The following KCNB2 variants were observed in gnomAD, a reference collection of about 807,000 sequenced individuals.
KCNB2 encodes delayed rectifier potassium channel protein.
Under a neutral mutation model 61.5 loss-of-function variants are expected in KCNB2, and 15 were observed. The ratio of observed to expected loss-of-function variants is 0.24; its 90% CI spans 0.16 to 0.38. The LOEUF (loss-of-function observed/expected upper bound fraction) is 0.38, where lower values mean the gene tolerates loss of function less well. Among genes scored for constraint, KCNB2 ranks in the 10% least tolerant of loss-of-function variants. KCNB2 has a pLI of 1.00. For synonymous variants in KCNB2, 457 were observed against 446.0 expected (o/e 1.02, Z -0.31); for missense variants, 828 against 1,125.2 (o/e 0.74, Z 3.78).
intron 2 of KCNB2, among the ~76,000 whole-genome samples, chr8:72,837,199 A>G (rs1389755764): frequency 6.6e-6 from 1 of 152,166 alleles, no homozygotes; most frequent in Non-Finnish European, 1.5e-5. Flanking sequence ...CTTTATTCAC[A>G]ATCAAAAGCA....
intron 1 of KCNB2, among the ~76,000 whole-genome samples, chr8:72,546,432 G>A (rs1033578663): frequency 6.6e-6 from 1 of 151,730 alleles, no homozygotes; most frequent in Non-Finnish European, 1.5e-5. Context: ...GCAGAGAATT[G>A]CTTGAACCTG....
chr8:72,556,045 A>T (rs1806421265), intron 1 of KCNB2, among the ~76,000 whole-genome samples: 1 of 151,998 alleles, frequency 6.6e-6, no homozygotes, highest in East Asian at 1.9e-4. Context: ...GATTTTCCAC[A>T]CTGTTTTTCT....
At chr8:72,905,328 G>A (rs1167682521) in intron 2 of KCNB2, among the ~76,000 whole-genome samples, 1 of 152,080 alleles carries the variant, frequency 6.6e-6, no homozygotes, top group Non-Finnish European at 1.5e-5. Context: ...AATATCCCCA[G>A]TTCCCAGAAT....
At chr8:72,671,019 T>G (rs1039438264) in intron 2 of KCNB2, among the ~76,000 whole-genome samples, 2 of 152,214 alleles carry the variant, frequency 1.3e-5, no homozygotes, top group African/African-American at 2.4e-5. Context: ...CCTTCTATTA[T>G]TTTGTACCTA....
intron 2 of KCNB2, among the ~76,000 whole-genome samples, chr8:72,926,857 G>GC (rs955459507): frequency 2.0e-5 from 3 of 152,038 alleles, no homozygotes; most frequent in Non-Finnish European, 2.9e-5. Context: ...TGCACCCTGC[G>GC]CCCCCCATCA....
At chr8:72,831,072 G>A (rs1809685365) in intron 2 of KCNB2, among the ~76,000 whole-genome samples, 1 of 152,210 alleles carries the variant, frequency 6.6e-6, no homozygotes, top group Non-Finnish European at 1.5e-5. Flanking sequence ...TTAACCTTCT[G>A]CTTTAACAAC....
chr8:72,900,454 A>C (rs1806069026), intron 2 of KCNB2, among the ~76,000 whole-genome samples: 1 of 152,186 alleles, frequency 6.6e-6, no homozygotes, highest in Non-Finnish European at 1.5e-5. Flanking sequence ...TTTTTGGCTA[A>C]GTCCCCAAAA....
At chr8:72,850,264 G>C (rs1810076839) in intron 2 of KCNB2, among the ~76,000 whole-genome samples, 1 of 150,714 alleles carries the variant, frequency 6.6e-6, no homozygotes, top group African/African-American at 2.4e-5. Flanking sequence ...CTGTCACCCA[G>C]GCTGGAATGC....
rs546937702 is a variant in KCNB2 at position 72,937,259 on chromosome 8, C to T, written c.1904C>T (p.Thr635Ile). 13 of 1,614,060 alleles carry T rather than the reference C, an allele frequency of 8.1e-6. No individual in the cohort carries two copies. The South Asian group carries it at 1.4e-4, about 18-fold the overall frequency. The change falls in exon 3 of 3, where the codon ACC (threonine) becomes ATC (isoleucine). Residue 635 changes from threonine to isoleucine, a missense_variant. Around this residue, in one of 4 missense-constraint regions of KCNB2, gnomAD observed 559 missense variants for 588.4 expected, o/e 0.95. Coordinates refer to ENST00000523207, the MANE Select transcript of KCNB2 (RefSeq NM_004770.3). ...TCTCACTTGCAGATGAAGTTCCCAA[C>T]CGACCTCCCAGGGACAGAAGAGCAC... ...SASHLQMKFP[T>I]DLPGTEEHQR...
intron 2 of KCNB2, among the ~76,000 whole-genome samples, chr8:72,760,318 A>G (rs954056050): frequency 6.6e-6 from 1 of 152,218 alleles, no homozygotes; most frequent in Non-Finnish European, 1.5e-5. Flanking sequence ...CAGTGAGGTA[A>G]TGTATGAGGT....
chr8:72,817,200 T>C (rs1585909969), intron 2 of KCNB2, among the ~76,000 whole-genome samples: 1 of 152,124 alleles, frequency 6.6e-6, no homozygotes, highest in East Asian at 1.9e-4. Context: ...TTATCAATGG[T>C]TTTACATTTC....
chr8:72,669,427 G>A (rs1028030394), intron 2 of KCNB2, among the ~76,000 whole-genome samples: 4 of 152,012 alleles, frequency 2.6e-5, no homozygotes, highest in Non-Finnish European at 5.9e-5. Context: ...GAATAAAAAT[G>A]TATCTTTTTT....
At chr8:72,931,733 G>A (rs1293492938) in intron 2 of KCNB2, among the ~76,000 whole-genome samples, 1 of 152,116 alleles carries the variant, frequency 6.6e-6, no homozygotes, top group Non-Finnish European at 1.5e-5. Flanking sequence ...TGAGGCAGGT[G>A]GGGCATGGTG....
intron 2 of KCNB2, among the ~76,000 whole-genome samples, chr8:72,865,354 C>CT (rs1805498995): frequency 6.6e-6 from 1 of 152,092 alleles, no homozygotes; most frequent in Non-Finnish European, 1.5e-5. Context: ...CATCTAGTGC[C>CT]CAGGCCTATG....
intron 2 of KCNB2, among the ~76,000 whole-genome samples, chr8:72,673,416 A>G (rs1007689234): frequency 6.6e-6 from 1 of 152,138 alleles, no homozygotes; most frequent in Non-Finnish European, 1.5e-5. Flanking sequence ...CCTTCCTGCC[A>G]CCATGTGAAG....
chr8:72,658,548 A>G (rs137906260), intron 2 of KCNB2, among the ~76,000 whole-genome samples: 2,240 of 152,322 alleles, frequency 0.015, 43 homozygotes, highest in African/African-American at 0.052. Flanking sequence ...TCATTGGTGA[A>G]GGTGGCTACA....
At chr8:72,630,824 G>A (rs1312793056) in intron 2 of KCNB2, among the ~76,000 whole-genome samples, 1 of 152,106 alleles carries the variant, frequency 6.6e-6, no homozygotes, top group Non-Finnish European at 1.5e-5. Flanking sequence ...AGGGGAGAAA[G>A]AAGATACATC....
chr8:72,608,901 A>G (rs1805496749), intron 2 of KCNB2, among the ~76,000 whole-genome samples: 1 of 152,184 alleles, frequency 6.6e-6, no homozygotes, highest in African/African-American at 2.4e-5. Context: ...CAAAGATCAT[A>G]AAAGGATGGT....
chr8:72,822,262 T>C (rs1228744530), intron 2 of KCNB2, among the ~76,000 whole-genome samples: 4 of 152,242 alleles, frequency 2.6e-5, no homozygotes, highest in African/African-American at 9.6e-5. Context: ...GTTAATTGTA[T>C]ATTTGCTTTA....
Sources: gnomAD v4.1 joint callset for allele counts (sites outside exome capture counted in the v4.1 genomes callset) on GRCh38, gnomAD v4.1.1 for gene constraint, gnomAD v4.1.1 regional missense constraint, MANE v1.5 for transcripts, NCBI Gene and HGNC (gene_info 2026-07-23, HGNC 2026-07-21) for gene names.